Variants in FCHSD2 observed in about 807,000 individuals in gnomAD.
FCHSD2 encodes the protein F-BAR and double SH3 domains protein 2.
A neutral mutation model predicts 108.1 loss-of-function variants in FCHSD2; 38 were observed. The observed-to-expected ratio is 0.35, with a 90% CI of 0.27 to 0.46. The LOEUF is 0.46. FCHSD2 is among the 20% of genes least tolerant of loss of function. FCHSD2 has a pLI of 1.00. For synonymous variants in FCHSD2, 279 were observed against 314.7 expected (o/e 0.89, Z 1.20); for missense variants, 751 against 897.8 (o/e 0.84, Z 2.09).
intron 8 of FCHSD2, among the ~76,000 whole-genome samples, chr11:72,950,174 C>T (rs979364877): frequency 1.3e-5 from 2 of 151,994 alleles, no homozygotes; most frequent in Non-Finnish European, 2.9e-5. Context: ...AATCCTTGCC[C>T]TTTTAAAAAA....
At chr11:72,876,321 CAAAA>C (rs1303407714) in intron 12 of FCHSD2, among the ~76,000 whole-genome samples, 2 of 151,848 alleles carry the variant, frequency 1.3e-5, no homozygotes, top group Non-Finnish European at 2.9e-5. Context: ...GAGATGGTCT[CAAAA>C]GAAAATAAAA....
At chr11:73,097,216 C>T (rs1270245634) in intron 2 of FCHSD2, among the ~76,000 whole-genome samples, 2 of 151,072 alleles carry the variant, frequency 1.3e-5, no homozygotes, top group African/African-American at 4.9e-5. Context: ...GCTGCCCAGG[C>T]TGGTCTTAAA....
intron 8 of FCHSD2, among the ~76,000 whole-genome samples, chr11:72,940,115 T>G (rs1195014408): frequency 6.6e-6 from 1 of 152,160 alleles, no homozygotes; most frequent in Non-Finnish European, 1.5e-5. Context: ...CAGGTCTAAT[T>G]CCATAGAAGC....
intron 3 of FCHSD2, among the ~76,000 whole-genome samples, chr11:73,064,476 C>CA (rs200735136): frequency 0.013 from 1,895 of 141,000 alleles, 37 homozygotes; most frequent in African/African-American, 0.045. Context: ...AAAAACCCTT[C>CA]AAAAAAAAAA....
At chr11:73,044,610 T>G (rs1217551661) in intron 3 of FCHSD2, among the ~76,000 whole-genome samples, 2 of 152,024 alleles carry the variant, frequency 1.3e-5, no homozygotes, top group East Asian at 3.9e-4. Context: ...TTAATTCTAT[T>G]AATCTACAAT....
Position 72,920,402 on chromosome 11 carries a change from T to C in FCHSD2, c.828+1426A>G, listed in dbSNP as rs1855955564. Among the ~76,000 whole-genome samples the C allele has an allele frequency of 3.3e-5, 5 of 152,246 alleles. No individual in the cohort carries two copies. The South Asian group carries it at 1.0e-3, about 32-fold the overall frequency. ...CAGGAAAATGTAAGTTACCCAAATA[T>C]ACTGAAAAAGAGACAGAAAATCTAA... is the stretch of plus-strand genomic sequence containing the variant. On this transcript the variant is annotated intron_variant, in intron 9 of 19. Coordinates refer to ENST00000409418, the MANE Select transcript of FCHSD2 (RefSeq NM_014824.3).
At chr11:72,880,336 T>TA (rs1855058108) in intron 12 of FCHSD2, among the ~76,000 whole-genome samples, 4 of 151,964 alleles carry the variant, frequency 2.6e-5, no homozygotes, top group Admixed American at 2.6e-4. Context: ...GCAAAAATAA[T>TA]AAAGCTGGAG....
intron 14 of FCHSD2, among the ~76,000 whole-genome samples, chr11:72,845,247 C>G (rs1378837001): frequency 6.6e-6 from 1 of 151,826 alleles, no homozygotes; most frequent in Non-Finnish European, 1.5e-5. Flanking sequence ...ATGGCGAAAC[C>G]CTGTCTCTAT....
intron 2 of FCHSD2, among the ~76,000 whole-genome samples, chr11:73,116,391 T>C (rs1417211175): frequency 2.0e-5 from 3 of 152,246 alleles, no homozygotes; most frequent in Non-Finnish European, 4.4e-5. Flanking sequence ...ATCACAGTTA[T>C]ACAAGATTAA....
intron 14 of FCHSD2, among the ~76,000 whole-genome samples, chr11:72,844,261 A>G (rs986988691): frequency 3.3e-5 from 5 of 152,192 alleles, no homozygotes; most frequent in African/African-American, 9.6e-5. Context: ...CATGCAGTGA[A>G]AATGCAAAGA....
At chr11:72,905,445 T>A (rs566080150) in intron 9 of FCHSD2, among the ~76,000 whole-genome samples, 6 of 152,362 alleles carry the variant, frequency 3.9e-5, no homozygotes, top group Admixed American at 2.0e-4. Context: ...TATACTTTTT[T>A]ATTTTTATTA....
intron 2 of FCHSD2, among the ~76,000 whole-genome samples, chr11:73,126,339 T>TAAAAAAAAAAAAAAAAAAAAAAA (rs61586562): frequency 3.6e-5 from 1 of 27,658 alleles, no homozygotes; most frequent in Non-Finnish European, 8.9e-5. Context: ...GATTCCATCT[T>TAAAAAAAAAAAAAAAAAAAAAAA]AAAAAAAAAA....
chr11:73,112,064 GTACT>G (rs1365037724), intron 2 of FCHSD2, among the ~76,000 whole-genome samples: 1 of 152,096 alleles, frequency 6.6e-6, no homozygotes, highest in Non-Finnish European at 1.5e-5. Flanking sequence ...GTTTTTCTGT[GTACT>G]TACTATTACC....
chr11:73,014,930 G>C (rs1857937803), intron 4 of FCHSD2, among the ~76,000 whole-genome samples: 1 of 151,748 alleles, frequency 6.6e-6, no homozygotes, highest in Non-Finnish European at 1.5e-5. Flanking sequence ...TGCAACCTCT[G>C]CCTCCCAGGT....
At chr11:72,938,766 C>T (rs140389692) in intron 8 of FCHSD2, among the ~76,000 whole-genome samples, 77 of 152,248 alleles carry the variant, frequency 5.1e-4, no homozygotes, top group African/African-American at 1.8e-3. Context: ...TTTTCATTAA[C>T]AGAATAGTTC....
intron 2 of FCHSD2, among the ~76,000 whole-genome samples, chr11:73,114,038 C>T (rs762403260): frequency 5.3e-5 from 8 of 152,064 alleles, no homozygotes; most frequent in Non-Finnish European, 1.2e-4. Flanking sequence ...TTCCCCCATA[C>T]CCCAGGCAGG....
chr11:73,051,984 G>A (rs1858914003), intron 3 of FCHSD2, among the ~76,000 whole-genome samples: 1 of 151,596 alleles, frequency 6.6e-6, no homozygotes, highest in Non-Finnish European at 1.5e-5. Flanking sequence ...CAGTGAATCT[G>A]CAATAAAGAA....
At chr11:73,003,588 G>A (rs909541060) in intron 4 of FCHSD2, among the ~76,000 whole-genome samples, 2 of 149,334 alleles carry the variant, frequency 1.3e-5, no homozygotes, top group Non-Finnish European at 3.0e-5. Context: ...CCGGGTTCAC[G>A]CCATTCTCCT....
intron 2 of FCHSD2, among the ~76,000 whole-genome samples, chr11:73,097,583 C>CCGT (rs1860118218): frequency 6.7e-6 from 1 of 149,160 alleles, no homozygotes; most frequent in Non-Finnish European, 1.5e-5. Context: ...ACTAGTGGAA[C>CCGT]CGTCTAGTCC....
Sources: allele counts gnomAD v4.1 joint callset (sites outside exome capture counted in the v4.1 genomes callset), GRCh38; gene constraint gnomAD v4.1.1; transcripts MANE v1.5; gene names NCBI Gene and HGNC (gene_info 2026-07-23, HGNC 2026-07-21).